The following ZNF835 variants were observed in gnomAD, a reference collection of about 807,000 sequenced individuals.
ZNF835 encodes zinc finger protein 835.
For missense variants in ZNF835, 783 were observed against 758.4 expected (o/e 1.03, Z -0.38); for synonymous variants, 323 against 324.7 (o/e 0.99, Z 0.06).
rs1387064932 is a variant in ZNF835 at position 56,664,950 on chromosome 19, G to A, written c.249C>T (p.Cys83=). ...SVPDDSSSRR[C]SAPGESPKER... ...CCTTCGGGCTCTCCCCAGGCGCGCT[G>A]CACCTCCGGGAACTGCTGTCGTCGG... is the stretch of plus-strand genomic sequence containing the variant. Residue 83 remains cysteine (C), a synonymous_variant, in exon 2 of 2, where the codon TGC becomes TGT. Coordinates refer to ENST00000537055, the MANE Select transcript of ZNF835 (RefSeq NM_001005850.3). The A allele has an allele frequency of 1.9e-6, 3 of 1,614,052 alleles. No individual in the cohort carries two copies. The highest frequency in any genetic ancestry group is 2.5e-6 in the Non-Finnish European group (3 of 1,179,882).
Position 56,663,809 on chromosome 19 carries a change from G to A in ZNF835, c.1390C>T (p.His464Tyr). 1 of 1,614,116 alleles carries A rather than the reference G, an allele frequency of 6.2e-7. No homozygotes were observed. The highest frequency in any genetic ancestry group is 1.3e-5 in the African/African-American group (1 of 75,066). Residue 464 changes from histidine (H) to tyrosine (Y), a missense_variant, in exon 2 of 2, where the codon CAC (histidine) becomes TAC (tyrosine). By Grantham distance (83) the His-to-Tyr change is moderately conservative (BLOSUM62 2). Transcript: ENST00000537055. Reference sequence around the variant, plus strand: ...TTCTCCCCGGTGTGCACGATGTGGTGCTGGATCAGGTAGGAGCGGTTGCTG... The same window carrying A: ...TTCTCCCCGGTGTGCACGATGTGGTACTGGATCAGGTAGGAGCGGTTGCTG... ...AFSNRSYLIQ[H>Y]HIVHTGEKPY...
At chr19:56,668,335 C>T (rs1003234531) in intron 1 of ZNF835, among the ~76,000 whole-genome samples, 3 of 150,382 alleles carry the variant, frequency 2.0e-5, no homozygotes, top group South Asian at 2.1e-4. Context: ...TATGGCATTC[C>T]GTCACACCCC....
Position 56,664,287 on chromosome 19 carries a change from C to T in ZNF835, c.912G>A (p.Lys304=). ...TQHRRVHTGE[K]PYTCQDCGAL... is the part of the protein sequence containing the mutation. ...CGCCGCAGTCCTGGCACGTGTAGGG[C>T]TTCTCGCCCGTGTGCACGCGCCGGT... is the stretch of plus-strand genomic sequence containing the variant. Residue 304 remains lysine (K), a synonymous_variant, in exon 2 of 2, where the codon AAG becomes AAA. Coordinates refer to ENST00000537055, the MANE Select transcript of ZNF835 (RefSeq NM_001005850.3). The T allele has an allele frequency of 6.2e-7, 1 of 1,606,002 alleles. No individual in the cohort carries two copies. The highest frequency in any genetic ancestry group is 8.5e-7 in the Non-Finnish European group (1 of 1,176,462).
In ZNF835 at chr19:56,662,031, T is replaced by C. The variant is rs573736880; in HGVS notation, c.*1554A>G. Reference sequence around the variant, plus strand: ...TCAACATTGTAGTAGGTGGATTACGTTCATAACTCCTACTTTTCACCCTTC... The same window carrying C: ...TCAACATTGTAGTAGGTGGATTACGCTCATAACTCCTACTTTTCACCCTTC... On this transcript the variant is annotated 3_prime_UTR_variant, in exon 2 of 2. Coordinates refer to ENST00000537055, the MANE Select transcript of ZNF835 (RefSeq NM_001005850.3). 6.6e-6 allele frequency: 1 copy of C among 152,258 alleles called. No individual in the cohort carries two copies. The highest frequency in any genetic ancestry group is 2.1e-4 in the South Asian group (1 of 4,810). The allele number at this position is 152,258 out of a possible 1,614,324, so 9.4% of individuals were successfully genotyped here.
chr19:56,664,942 G>T lies in ZNF835; in HGVS notation c.257C>A (p.Pro86His), dbSNP rs184914716. 5.9e-5 allele frequency: 95 copies of T among 1,614,040 alleles called. 1 individual carries two copies. The East Asian group carries it at 2.0e-3, about 33-fold the overall frequency. The change falls in exon 2 of 2, where the codon CCT becomes CAT. Residue 86 changes from proline (P) to histidine (H), a missense_variant. Physicochemically the swap from Pro to His is moderately conservative, Grantham distance 77. Transcript: ENST00000537055. ...DDSSSRRCSAPGESPKERHPD... is the reference protein window; with the variant it reads ...DDSSSRRCSAHGESPKERHPD... ...ATGCCTCTCCTTCGGGCTCTCCCCA[G>T]GCGCGCTGCACCTCCGGGAACTGCT...
Position 56,663,872 on chromosome 19 carries a change from C to G in ZNF835, c.1327G>C (p.Glu443Gln), listed in dbSNP as rs770502218. 1.4e-5 allele frequency: 22 copies of G among 1,612,864 alleles called. No individual in the cohort carries two copies. The highest frequency in any genetic ancestry group is 1.8e-5 in the Non-Finnish European group (21 of 1,179,788). Reference protein sequence around the residue: ...LALHQRTHTGERPYTCPECGK... With the variant: ...LALHQRTHTGQRPYTCPECGK... ...CACTCGGGGCAGGTGTAGGGCCGCT[C>G]GCCCGTGTGCGTGCGCTGGTGCAGG... The change falls in exon 2 of 2, where the codon GAG becomes CAG. Residue 443 changes from glutamate (E) to glutamine (Q), a missense_variant. Physicochemically the swap from Glu to Gln is conservative, Grantham distance 29. Transcript: ENST00000537055.
At position 56,664,884 on chromosome 19, in the gene ZNF835, G is replaced by A; in HGVS notation, c.315C>T (p.Gly105=). 2 of 1,613,820 alleles carry A rather than the reference G, an allele frequency of 1.2e-6. No homozygotes were observed. The highest frequency in any genetic ancestry group is 1.7e-6 in the Non-Finnish European group (2 of 1,179,866). The part of the protein sequence containing the change: ...PDSRQRERGG[G]PKKPWKCGDC... Reference sequence around the variant, plus strand: ...CCCCGCATTTCCACGGCTTCTTGGGGCCTCCACCTCTCTCCCGCTGGCGGC... The same window carrying A: ...CCCCGCATTTCCACGGCTTCTTGGGACCTCCACCTCTCTCCCGCTGGCGGC... The change falls in exon 2 of 2, where the codon GGC becomes GGT. Residue 105 remains glycine (G), a synonymous_variant. Transcript: ENST00000537055.
At chr19:56,668,327 T>C (rs903063699) in intron 1 of ZNF835, among the ~76,000 whole-genome samples, 23 of 151,060 alleles carry the variant, frequency 1.5e-4, no homozygotes, top group Middle Eastern at 3.5e-3. Context: ...CACCAGAGTA[T>C]GGCATTCCGT....
At position 56,664,472 on chromosome 19, in the gene ZNF835, T is replaced by C. The variant is rs1298961814; in HGVS notation, c.727A>G (p.Ile243Val). ...NRSSLIEHQR[I>V]HTGEKPYECS... ...TCGTAGGGCTTCTCACCGGTGTGGA[T>C]GCGCTGGTGCTCTATCAGGGACGAG... Residue 243 changes from isoleucine to valine, a missense_variant, in exon 2 of 2, where the codon ATC becomes GTC. Transcript: ENST00000537055. 6.2e-7 allele frequency: 1 copy of C among 1,612,448 alleles called. No individual in the cohort carries two copies. Among genetic ancestry groups the C allele is most frequent in the Non-Finnish European group, 8.5e-7 (1 of 1,179,220 alleles).
At position 56,664,346 on chromosome 19, in the gene ZNF835, T is replaced by G; in HGVS notation, c.853A>C (p.Lys285Gln). 6.2e-7 allele frequency: 1 copy of G among 1,607,668 alleles called. No individual in the cohort carries two copies. The highest frequency in any genetic ancestry group is 1.3e-5 in the African/African-American group (1 of 74,498). Residue 285 changes from lysine to glutamine, a missense_variant, in exon 2 of 2, where the codon AAG (lysine) becomes CAG (glutamine). By Grantham distance (53) the Lys-to-Gln change is moderately conservative. Coordinates refer to ENST00000537055, the MANE Select transcript of ZNF835 (RefSeq NM_001005850.3). ...EKPYRCGQCA[K>Q]AFAQIAHLTQ... ...AGGTGCGCGATCTGCGCGAAGGCCTTGGCGCACTGGCCGCAGCGGTAGGGC... is the reference window on the plus strand; with the variant it reads ...AGGTGCGCGATCTGCGCGAAGGCCTGGGCGCACTGGCCGCAGCGGTAGGGC...
At position 56,664,540 on chromosome 19, in the gene ZNF835, C is replaced by G; in HGVS notation, c.659G>C (p.Arg220Pro). The change falls in exon 2 of 2, where the codon CGG becomes CCG. Residue 220 changes from arginine to proline, a missense_variant. Transcript: ENST00000537055. Reference sequence around the variant, plus strand: ...GGCGCACTGGGCGCACGCGTAGGGCCGCTCGCCCGTGTGCACGCGCCGGTG... The same window carrying G: ...GGCGCACTGGGCGCACGCGTAGGGCGGCTCGCCCGTGTGCACGCGCCGGTG... ...TQHRRVHTGE[R>P]PYACAQCAKA... is the part of the protein sequence containing the mutation. 2.5e-6 allele frequency: 4 copies of G among 1,579,406 alleles called. No individual in the cohort carries two copies. The highest frequency in any genetic ancestry group is 3.4e-6 in the Non-Finnish European group (4 of 1,167,556).
intron 1 of ZNF835, among the ~76,000 whole-genome samples, chr19:56,668,091 G>A (rs12985195): frequency 2.2e-4 from 33 of 152,124 alleles, no homozygotes; most frequent in South Asian, 8.3e-4. Context: ...TTCACCTTCC[G>A]GGTTCAAGCG....
Position 56,664,801 on chromosome 19 carries a change from G to C in ZNF835, c.398C>G (p.Thr133Ser). The change falls in exon 2 of 2, where the codon ACC becomes AGC. Residue 133 changes from threonine to serine, a missense_variant. By Grantham distance (58) the Thr-to-Ser change is moderately conservative. Transcript: ENST00000537055. ...SAFILHQRIH[T>S]GEKPFACPEC... Reference sequence around the variant, plus strand: ...GGGGCACGCAAATGGCTTCTCCCCGGTGTGGATTCTCTGGTGTAAGATGAA... The same window carrying C: ...GGGGCACGCAAATGGCTTCTCCCCGCTGTGGATTCTCTGGTGTAAGATGAA... The C allele has an allele frequency of 1.2e-6, 2 of 1,611,332 alleles. No homozygotes were observed. The highest frequency in any genetic ancestry group is 1.7e-6 in the Non-Finnish European group (2 of 1,177,794).
chr19:56,662,245 G>A lies in ZNF835; in HGVS notation c.*1340C>T, dbSNP rs931095161. 2.0e-5 allele frequency: 3 copies of A among 152,172 alleles called. No homozygotes were observed. Among genetic ancestry groups the A allele is most frequent in the African/African-American group, 2.4e-5 (1 of 41,434 alleles). The allele number at this position is 152,172 out of a possible 1,614,324, so 9.4% of individuals were successfully genotyped here. A position where few individuals can be genotyped will look rare whatever the true frequency, so the allele number is the denominator to read the frequency against. ...CACACCCAGGTGAGATGTGAGTCAG[G>A]AGAAGAAGATCAAATTGGCCCAGCT... On this transcript the variant is annotated 3_prime_UTR_variant, in exon 2 of 2. Transcript: ENST00000537055.
At chr19:56,667,779 C>T (rs1420893817) in intron 1 of ZNF835, among the ~76,000 whole-genome samples, 3 of 152,098 alleles carry the variant, frequency 2.0e-5, no homozygotes, top group Non-Finnish European at 2.9e-5. Context: ...AGCCCTCAGG[C>T]GTTGGATTCC....
At chr19:56,665,480 G>A (rs1450056703) in intron 1 of ZNF835, 2 of 672,630 alleles carry the variant, frequency 3.0e-6, no homozygotes, top group South Asian at 2.7e-5. Flanking sequence ...CTCAACCCCT[G>A]AGTTGTAACA....
intron 1 of ZNF835, among the ~76,000 whole-genome samples, chr19:56,670,440 G>A (rs1018097471): frequency 1.3e-5 from 2 of 151,888 alleles, no homozygotes; most frequent in Non-Finnish European, 2.9e-5. Context: ...ACACACAGTC[G>A]CCCTCCTAAC....
chr19:56,666,734 T>C (rs921826381), intron 1 of ZNF835, among the ~76,000 whole-genome samples: 2 of 152,134 alleles, frequency 1.3e-5, no homozygotes, highest in African/African-American at 4.8e-5. Flanking sequence ...GATGATTAGG[T>C]CATGAGGGCA....
Position 56,664,200 on chromosome 19 carries a change from G to C in ZNF835, c.999C>G (p.Pro333=). Residue 333 remains proline, a synonymous_variant, in exon 2 of 2, where the codon CCC becomes CCG. Transcript: ENST00000537055. ...EHRRIHTGEK[P]YACGQCAKAF... ...CCTTGGCGCACTGGCCGCACGCGTA[G>C]GGCTTCTCGCCTGTGTGGATGCGCC... The C allele has an allele frequency of 1.2e-6, 2 of 1,606,010 alleles. No homozygotes were observed. Among genetic ancestry groups the C allele is most frequent in the Admixed American group, 3.4e-5 (2 of 59,584 alleles).
Sources: allele counts gnomAD v4.1 joint callset (sites outside exome capture counted in the v4.1 genomes callset), GRCh38; gene constraint gnomAD v4.1.1; transcripts MANE v1.5; gene names NCBI Gene and HGNC (gene_info 2026-07-23, HGNC 2026-07-21).